Variants in AHCYL1 observed in about 807,000 individuals in gnomAD.
AHCYL1 encodes adenosylhomocysteinase like 1, also known as S-adenosylhomocysteine hydrolase-like protein 1.
Under a neutral mutation model 79.3 loss-of-function variants are expected in AHCYL1, and 20 were observed. The observed-to-expected ratio is 0.25, with a 90% CI of 0.18 to 0.37. The LOEUF is 0.37. AHCYL1 is among the 10% of genes least tolerant of loss of function. The pLI is 1.00. For missense variants in AHCYL1, 330 were observed against 673.6 expected (o/e 0.49, Z 5.65); for synonymous variants, 223 against 242.2 (o/e 0.92, Z 0.74).
chr1:110,011,939 T>A (rs1651060715), intron 3 of AHCYL1, among the ~76,000 whole-genome samples: 1 of 152,234 alleles, frequency 6.6e-6, no homozygotes, highest in African/African-American at 2.4e-5. Flanking sequence ...CCAAACAGAC[T>A]GACAGGACAT....
chr1:110,012,145 A>G (rs1651074101), intron 3 of AHCYL1, among the ~76,000 whole-genome samples: 1 of 152,226 alleles, frequency 6.6e-6, no homozygotes, highest in African/African-American at 2.4e-5. Flanking sequence ...TCCTCTGTGT[A>G]TAAAGCTGAA....
intron 2 of AHCYL1, among the ~76,000 whole-genome samples, 181 bp downstream of exon 2, chr1:110,009,326 C>T (rs879080879): frequency 6.6e-6 from 1 of 152,196 alleles, no homozygotes; most frequent in Non-Finnish European, 1.5e-5. Context: ...AAGCTTTTGT[C>T]GACTCGAGAC....
chr1:110,010,969 T>C (rs1395820200), intron 2 of AHCYL1, among the ~76,000 whole-genome samples: 1 of 152,200 alleles, frequency 6.6e-6, no homozygotes, highest in Non-Finnish European at 1.5e-5. Flanking sequence ...TGGTCCCTTG[T>C]CATAGGCACT....
chr1:110,006,511 A>T (rs1650666338), intron 1 of AHCYL1, among the ~76,000 whole-genome samples: 1 of 152,186 alleles, frequency 6.6e-6, no homozygotes. Context: ...AGTGAGTCCA[A>T]CCCAATCAGA....
chr1:109,985,923 A>C lies in AHCYL1; in HGVS notation c.120+751A>C, dbSNP rs545327585. Among the ~76,000 whole-genome samples, 6 of 152,230 alleles carry C rather than the reference A, an allele frequency of 3.9e-5. No individual in the cohort carries two copies. The East Asian group carries it at 9.6e-4, about 24-fold the overall frequency. On this transcript the variant is annotated intron_variant, in intron 1 of 16. Transcript: ENST00000369799. ...TTGACTGTACTTTTGAGGCAGAACA[A>C]GTTTGATCTATTGTGCTGTAGGTTG...
In AHCYL1 at chr1:110,016,383, G is replaced by A. The variant is rs141465433; in HGVS notation, c.822G>A (p.Pro274=). The change falls in exon 8 of 17, where the codon CCG becomes CCA. Residue 274 remains proline (P), a synonymous_variant. Coordinates refer to ENST00000369799, the MANE Select transcript of AHCYL1 (RefSeq NM_006621.7). Reference sequence around the variant, plus strand: ...CCAAAGCTGGGAAGCTCTGTGTTCCGGCCATGAACGTCAATGATTCTGTTA... The same window carrying A: ...CCAAAGCTGGGAAGCTCTGTGTTCCAGCCATGAACGTCAATGATTCTGTTA... ...QLSKAGKLCV[P]AMNVNDSVTK... is the part of the protein sequence containing the mutation. The A allele has an allele frequency of 9.0e-5, 146 of 1,613,992 alleles. No homozygotes were observed. In the African/African-American group the frequency reaches 1.6e-3, roughly 18 times the overall value.
In AHCYL1 at chr1:110,016,324, G is replaced by A; in HGVS notation, c.783-20G>A. On this transcript the variant is annotated intron_variant, in intron 7 of 16. Coordinates refer to ENST00000369799, the MANE Select transcript of AHCYL1 (RefSeq NM_006621.7). ...GCTAACTTGGTTTTTGTTTGTTTTT[G>A]TGACCTCTTCTCTCTTTAGGCTGTA... The A allele has an allele frequency of 3.2e-6, 5 of 1,576,612 alleles. No homozygotes were observed. Among genetic ancestry groups the A allele is most frequent in the Non-Finnish European group, 4.3e-6 (5 of 1,161,822 alleles).
intron 9 of AHCYL1, 56 bp downstream of exon 9, chr1:110,016,786 G>T: frequency 6.2e-7 from 1 of 1,602,370 alleles, no homozygotes. Flanking sequence ...AGAAATATTG[G>T]GTAAAGGAGG....
chr1:110,014,710 G>A, intron 5 of AHCYL1, 53 bp from the exon 6 acceptor site: 3 of 1,404,954 alleles, frequency 2.1e-6, no homozygotes, highest in Non-Finnish European at 3.0e-6. Flanking sequence ...AAGTGATTTG[G>A]TACAGGACAC....
chr1:110,013,255 G>A (rs1381059196), intron 5 of AHCYL1, among the ~76,000 whole-genome samples: 1 of 152,152 alleles, frequency 6.6e-6, no homozygotes, highest in Non-Finnish European at 1.5e-5. Flanking sequence ...AGTGTTAGTT[G>A]AACGAGGAAG....
intron 1 of AHCYL1, among the ~76,000 whole-genome samples, chr1:109,988,537 A>G (rs1649588937): frequency 6.6e-6 from 1 of 152,164 alleles, no homozygotes; most frequent in Admixed American, 6.5e-5. Flanking sequence ...TTGGAAATTG[A>G]CACTGTGTCA....
Position 110,014,842 on chromosome 1 carries a change from G to C in AHCYL1, c.660G>C (p.Gly220=), listed in dbSNP as rs745506050. The C allele has an allele frequency of 1.4e-5, 22 of 1,614,052 alleles. No homozygotes were observed. Among genetic ancestry groups the C allele is most frequent in the Non-Finnish European group, 1.4e-5 (17 of 1,179,990 alleles). The change falls in exon 6 of 17, where the codon GGG becomes GGC. Residue 220 remains glycine, a synonymous_variant. Coordinates refer to ENST00000369799, the MANE Select transcript of AHCYL1 (RefSeq NM_006621.7). ...WCIDRCVNMD[G]WQANMILDDG... ...TTGACCGCTGTGTGAACATGGATGG[G>C]TGGCAGGCCAACATGGTAATAATGC... is the stretch of plus-strand genomic sequence containing the variant.
intron 1 of AHCYL1, among the ~76,000 whole-genome samples, chr1:110,001,947 C>T (rs775731309): frequency 6.6e-6 from 1 of 151,982 alleles, no homozygotes; most frequent in African/African-American, 2.4e-5. Flanking sequence ...ATTCTGAGGA[C>T]GAGAAGAACT....
At chr1:110,001,646 C>G (rs566778161) in intron 1 of AHCYL1, among the ~76,000 whole-genome samples, 3 of 152,110 alleles carry the variant, frequency 2.0e-5, no homozygotes, top group African/African-American at 7.2e-5. Context: ...TTCCCACACT[C>G]CTAAAAAGAA....
At chr1:109,987,344 G>C (rs1221796656) in intron 1 of AHCYL1, among the ~76,000 whole-genome samples, 1 of 152,140 alleles carries the variant, frequency 6.6e-6, no homozygotes, top group Non-Finnish European at 1.5e-5. Context: ...AAAAGTAAGA[G>C]GGAAAAAAGT....
At chr1:110,004,329 A>T (rs1262864199) in intron 1 of AHCYL1, 1 of 985,374 alleles carries the variant, frequency 1.0e-6, no homozygotes, top group Non-Finnish European at 1.2e-6. Context: ...AGCCGGGAGC[A>T]GCCAAAACCT....
intron 1 of AHCYL1, among the ~76,000 whole-genome samples, chr1:109,995,355 T>C (rs1387799285): frequency 6.6e-6 from 1 of 152,168 alleles, no homozygotes. Context: ...ACTGGGCATG[T>C]CTGGAATGAG....
In AHCYL1 at chr1:110,014,812, G is replaced by C; in HGVS notation, c.630G>C (p.Trp210Cys). Reference protein sequence around the residue: ...WKGESEDDFWWCIDRCVNMDG... With the variant: ...WKGESEDDFWCCIDRCVNMDG... The stretch of plus-strand genomic sequence containing the variant: ...GCGAGTCAGAAGATGACTTCTGGTG[G>C]TGTATTGACCGCTGTGTGAACATGG... The change falls in exon 6 of 17, where the codon TGG (tryptophan) becomes TGC (cysteine). Residue 210 changes from tryptophan (W) to cysteine (C), a missense_variant. This residue lies in a region of AHCYL1 where 25 missense variants were observed against 27.7 expected (regional missense o/e 0.90). Coordinates refer to ENST00000369799, the MANE Select transcript of AHCYL1 (RefSeq NM_006621.7). 1 of 1,614,238 alleles carries C rather than the reference G, an allele frequency of 6.2e-7. No homozygotes were observed. The highest frequency in any genetic ancestry group is 8.5e-7 in the Non-Finnish European group (1 of 1,180,038).
At chr1:109,998,776 C>T (rs1650156308) in intron 1 of AHCYL1, among the ~76,000 whole-genome samples, 1 of 152,130 alleles carries the variant, frequency 6.6e-6, no homozygotes, top group Non-Finnish European at 1.5e-5. Context: ...CCGAGCCTGG[C>T]CATAAAAATT....
Sources: allele counts gnomAD v4.1 joint callset (sites outside exome capture counted in the v4.1 genomes callset), GRCh38; gene constraint gnomAD v4.1.1; regional missense constraint gnomAD v4.1.1; transcripts MANE v1.5; gene names NCBI Gene and HGNC (gene_info 2026-07-23, HGNC 2026-07-21).